The following CLIP4 variants were observed in gnomAD, a reference collection of about 807,000 sequenced individuals.
The protein encoded by CLIP4 is CAP-Gly domain-containing linker protein 4.
Under a neutral mutation model 73.1 loss-of-function variants are expected in CLIP4, and 47 were observed. That is an observed-to-expected ratio of 0.64 (90% CI 0.51 to 0.82). The LOEUF is 0.82. CLIP4 is among the 40% of genes least tolerant of loss of function. The pLI, the probability that CLIP4 is intolerant of heterozygous loss-of-function variation, is 0.00. For synonymous variants in CLIP4, 306 were observed against 295.4 expected (o/e 1.04, Z -0.37); for missense variants, 874 against 852.9 (o/e 1.02, Z -0.31).
chr2:29,125,390 C>T (rs1240926316), intron 2 of CLIP4, among the ~76,000 whole-genome samples: 1 of 152,166 alleles, frequency 6.6e-6, no homozygotes, highest in Non-Finnish European at 1.5e-5. Context: ...TTGAGGAGGA[C>T]CCTGCACAGG....
intron 13 of CLIP4, among the ~76,000 whole-genome samples, chr2:29,164,747 A>G (rs1018569557): frequency 6.6e-6 from 1 of 152,170 alleles, no homozygotes; most frequent in Non-Finnish European, 1.5e-5. Flanking sequence ...GACTGTTGTG[A>G]CTATCTCCTG....
At chr2:29,110,947 A>T (rs1454706358), upstream of CLIP4, among the ~76,000 whole-genome samples, 2 of 152,162 alleles carry the variant, frequency 1.3e-5, no homozygotes, top group Non-Finnish European at 2.9e-5. Flanking sequence ...CGGCCACTGA[A>T]AGTGCTGGGA....
At chr2:29,101,293 C>T (rs933821685) in intron 1 of CLIP4, among the ~76,000 whole-genome samples, 5 of 147,364 alleles carry the variant, frequency 3.4e-5, no homozygotes, top group East Asian at 2.0e-4. Context: ...TTTTCCCCCC[C>T]CCAAAACAAA....
Position 29,132,522 on chromosome 2 carries a change from C to CT in CLIP4, c.367+278dup, listed in dbSNP as rs1348985625. On this transcript the variant is annotated intron_variant, in intron 4 of 15. Transcript: ENST00000320081. ...TAACTAGTAACACCCTAAAATCTTT[C>CT]TGAGGGTTTATAACAAGGTTTGACA... is the stretch of plus-strand genomic sequence containing the variant. 12 of 367,206 alleles carry CT rather than the reference C, an allele frequency of 3.3e-5. No individual in the cohort carries two copies. In the East Asian group the frequency reaches 5.7e-4, roughly 17 times the overall value. 22.7% of individuals were successfully genotyped at this position (367,206 alleles called of 1,614,324 possible). A position where few individuals can be genotyped will look rare whatever the true frequency, so the allele number is the denominator to read the frequency against.
chr2:29,098,735 T>C (rs923542393), intron 1 of CLIP4, among the ~76,000 whole-genome samples: 2 of 152,352 alleles, frequency 1.3e-5, no homozygotes, highest in South Asian at 4.1e-4. Context: ...CCTAGGAGCA[T>C]GATTGTTAGA....
chr2:29,163,263 TA>T (rs202007158), intron 12 of CLIP4, among the ~76,000 whole-genome samples: 77 of 142,138 alleles, frequency 5.4e-4, no homozygotes, highest in South Asian at 1.8e-3. Context: ...TTCATTTAGG[TA>T]AAAAAAAAAA....
At chr2:29,134,713 C>G (rs1383019194) in intron 5 of CLIP4, among the ~76,000 whole-genome samples, 2 of 151,798 alleles carry the variant, frequency 1.3e-5, no homozygotes, top group Non-Finnish European at 2.9e-5. Flanking sequence ...ATATTTAAAC[C>G]CTTGTTATCG....
chr2:29,163,531 T>A (rs955683705), intron 12 of CLIP4, among the ~76,000 whole-genome samples: 2 of 152,204 alleles, frequency 1.3e-5, no homozygotes, highest in Non-Finnish European at 2.9e-5. Flanking sequence ...CTTTTAGATA[T>A]ATTTTGGTCA....
At chr2:29,161,446 T>G (rs770293667) in intron 12 of CLIP4, among the ~76,000 whole-genome samples, 2 of 151,804 alleles carry the variant, frequency 1.3e-5, no homozygotes, top group African/African-American at 2.4e-5. Flanking sequence ...GTTTGTAGCA[T>G]TTAGCCAAGA....
chr2:29,109,684 G>A (rs117286638), intron 1 of CLIP4, among the ~76,000 whole-genome samples: 3,549 of 152,206 alleles, frequency 0.023, 116 homozygotes, highest in East Asian at 0.091. Flanking sequence ...GAGGGTCTGG[G>A]GAGCAGTGCC....
At chr2:29,139,279 TTTTG>T (rs1341903706) in intron 6 of CLIP4, among the ~76,000 whole-genome samples, 8 of 152,130 alleles carry the variant, frequency 5.3e-5, no homozygotes, top group African/African-American at 1.9e-4. Context: ...CAGTTTTTAA[TTTTG>T]TTTATGTGGT....
At chr2:29,160,210 C>T in intron 11 of CLIP4, 123 bp from the exon 12 acceptor site, 1 of 1,191,708 alleles carries the variant, frequency 8.4e-7, no homozygotes, top group Non-Finnish European at 1.2e-6. Flanking sequence ...AAATCACCAA[C>T]TAACTAGACT....
At chr2:29,107,372 T>TTTTGTTTTTTTTGTTTTTTTTGTTTTTC (rs1558504985) in intron 1 of CLIP4, among the ~76,000 whole-genome samples, 2 of 124,608 alleles carry the variant, frequency 1.6e-5, no homozygotes, top group African/African-American at 6.2e-5. Flanking sequence ...TTTTTTTTTT[T>TTTTGTTTTTTTTGTTTTTTTTGTTTTTC]TTTTTTTTTT....
intron 6 of CLIP4, among the ~76,000 whole-genome samples, chr2:29,140,300 A>G (rs1013442420): frequency 9.9e-5 from 15 of 152,116 alleles, no homozygotes; most frequent in African/African-American, 2.2e-4. Context: ...TCATTGTTCA[A>G]TTCCCACCTA....
intron 8 of CLIP4, among the ~76,000 whole-genome samples, chr2:29,150,182 C>G (rs571466961): frequency 1.3e-5 from 2 of 152,290 alleles, no homozygotes; most frequent in South Asian, 4.1e-4. Flanking sequence ...TCTTCCCACT[C>G]CAATTAATTT....
chr2:29,152,785 C>T lies in CLIP4; in HGVS notation c.1122C>T (p.Ser374=), dbSNP rs1244238058. 1.9e-6 allele frequency: 3 copies of T among 1,613,606 alleles called. No homozygotes were observed. The highest frequency in any genetic ancestry group is 2.7e-5 in the African/African-American group (2 of 74,856). ...STKAAVPLIR[S]QKIDVAHVTS... ...AAGCTGCTGTACCTCTCATCAGGTC[C>T]CAGAAAATTGACGTAGCTCATGTGA... The change falls in exon 9 of 16, where the codon TCC becomes TCT. Residue 374 remains serine (S), a synonymous_variant. Coordinates refer to ENST00000320081, the MANE Select transcript of CLIP4 (RefSeq NM_024692.6).
intron 2 of CLIP4, among the ~76,000 whole-genome samples, chr2:29,122,558 G>A (rs1011843487): frequency 1.3e-5 from 2 of 151,906 alleles, no homozygotes; most frequent in African/African-American, 4.8e-5. Flanking sequence ...ATAGTCATTT[G>A]TTATTAGTTG....
intron 15 of CLIP4, among the ~76,000 whole-genome samples, chr2:29,179,900 A>G (rs1044743009): frequency 2.0e-5 from 3 of 152,204 alleles, no homozygotes; most frequent in Admixed American, 6.5e-5. Context: ...TTAGAATTCT[A>G]TCACTTACTG....
At chr2:29,180,450 G>A (rs1323280755) in intron 15 of CLIP4, among the ~76,000 whole-genome samples, 1 of 152,174 alleles carries the variant, frequency 6.6e-6, no homozygotes, top group African/African-American at 2.4e-5. Flanking sequence ...GGAATGTTAT[G>A]TTGTAGGGAG....
Sources: gnomAD v4.1 joint callset for allele counts (sites outside exome capture counted in the v4.1 genomes callset) on GRCh38, gnomAD v4.1.1 for gene constraint, MANE v1.5 for transcripts, NCBI Gene and HGNC (gene_info 2026-07-23, HGNC 2026-07-21) for gene names.